Variants in PREX1 observed in about 807,000 individuals in gnomAD.
PREX1 encodes phosphatidylinositol 3,4,5-trisphosphate-dependent Rac exchanger 1 protein.
A neutral mutation model predicts 198.3 loss-of-function variants in PREX1; 41 were observed. The observed-to-expected ratio is 0.21, with a 90% CI of 0.16 to 0.27. The LOEUF is 0.27. Among genes scored for constraint, PREX1 ranks in the 10% least tolerant of loss-of-function variants. The pLI, the probability that PREX1 is intolerant of heterozygous loss-of-function variation, is 1.00. For synonymous variants in PREX1, 843 were observed against 887.2 expected, an observed-to-expected ratio of 0.95 and a Z score of 0.89; for missense variants, 1,620 against 2,200.7, an observed-to-expected ratio of 0.74 and a Z score of 5.28.
chr20:48,691,003 G>A lies in PREX1; in HGVS notation c.1130C>T (p.Ala377Val). The change falls in exon 9 of 40, where the codon GCA (alanine) becomes GTA (valine). Residue 377 changes from alanine (A) to valine (V), a missense_variant. Physicochemically the swap from Ala to Val is moderately conservative, Grantham distance 64. Transcript: ENST00000371941. This position sits in a 1 kb window ranked among gnomAD's most constrained non-coding sequence, Gnocchi z 5.0. ...NKWFVCMAKTAEEKQKWLDAI... is the reference protein window; with the variant it reads ...NKWFVCMAKTVEEKQKWLDAI... ...ATCCAGCCACTTCTGCTTCTCCTCT[G>A]CCGTCTTGGCCATGCAGACAAACCA... The A allele has an allele frequency of 6.2e-7, 1 of 1,614,216 alleles. No individual in the cohort carries two copies. The highest frequency in any genetic ancestry group is 1.1e-5 in the South Asian group (1 of 91,086).
At chr20:48,641,481 T>C (rs1389508180) in intron 29 of PREX1, among the ~76,000 whole-genome samples, 1 of 151,944 alleles carries the variant, frequency 6.6e-6, no homozygotes, top group Non-Finnish European at 1.5e-5. Flanking sequence ...AAAAAATGAG[T>C]ATGGTTTAAA....
chr20:48,652,009 G>A (rs931671564), intron 21 of PREX1, among the ~76,000 whole-genome samples: 4 of 152,194 alleles, frequency 2.6e-5, no homozygotes, highest in Non-Finnish European at 4.4e-5. Flanking sequence ...CAGCCCTGTG[G>A]ACACCATGAT....
chr20:48,872,179 T>G, the PREX1 span, among the ~76,000 whole-genome samples: 2 of 151,000 alleles, frequency 1.3e-5, no homozygotes, highest in African/African-American at 4.9e-5. Flanking sequence ...AAAAAAAGAT[T>G]CAGGGTACCT....
At chr20:48,748,115 C>T (rs541202259) in intron 1 of PREX1, among the ~76,000 whole-genome samples, 226 of 152,200 alleles carry the variant, frequency 1.5e-3, no homozygotes, top group Middle Eastern at 0.014. Context: ...ACGCCAGGCC[C>T]TGCACTGGGC....
intron 1 of PREX1, among the ~76,000 whole-genome samples, chr20:48,791,509 G>A (rs575832991): frequency 3.9e-5 from 6 of 152,304 alleles, no homozygotes; most frequent in South Asian, 2.1e-4. Flanking sequence ...AGCAAGTCTC[G>A]TTTTATGACC....
chr20:48,714,451 C>T (rs928915449), intron 5 of PREX1, among the ~76,000 whole-genome samples: 2 of 152,092 alleles, frequency 1.3e-5, no homozygotes, highest in African/African-American at 4.8e-5. Flanking sequence ...AAAAAACAGG[C>T]ATAGGACTTG....
intron 1 of PREX1, among the ~76,000 whole-genome samples, chr20:48,768,903 C>G (rs536921626): frequency 1.7e-4 from 26 of 151,958 alleles, no homozygotes; most frequent in African/African-American, 5.8e-4. Context: ...ACCAATGGAG[C>G]TGTGCACTTC....
intron 23 of PREX1, among the ~76,000 whole-genome samples, 157 bp from the exon 24 acceptor site, chr20:48,650,363 G>C (rs953936395): frequency 6.6e-6 from 1 of 152,250 alleles, no homozygotes; most frequent in Non-Finnish European, 1.5e-5. Context: ...CCTGGACTGT[G>C]TTTCACGGCT....
At chr20:48,805,979 G>A (rs574976941) in intron 1 of PREX1, among the ~76,000 whole-genome samples, 37 of 152,336 alleles carry the variant, frequency 2.4e-4, no homozygotes, top group African/African-American at 7.0e-4. Flanking sequence ...CACTGCTCTA[G>A]ACCAGGGCTT....
chr20:48,646,030 G>T lies in PREX1; in HGVS notation c.3333C>A (p.Thr1111=), dbSNP rs758075421. Residue 1111 remains threonine, a synonymous_variant, in exon 26 of 40, where the codon ACC becomes ACA. Coordinates refer to ENST00000371941, the MANE Select transcript of PREX1 (RefSeq NM_020820.4). ...AGGATGCGTCGCAGGACCCACCCGA[G>T]GTGGGCTCTGTGATGGTGGACAGCA... The part of the protein sequence containing the change: ...NRLLSTITEP[T]SGGSCDASLA... 5.0e-6 allele frequency: 8 copies of T among 1,613,992 alleles called. No individual in the cohort carries two copies. The highest frequency in any genetic ancestry group is 6.8e-6 in the Non-Finnish European group (8 of 1,180,022).
the PREX1 span, among the ~76,000 whole-genome samples, chr20:48,851,923 C>T: frequency 6.6e-6 from 1 of 152,162 alleles, no homozygotes; most frequent in Non-Finnish European, 1.5e-5. Flanking sequence ...GCCAAGACCT[C>T]ACCAGGCAGT....
chr20:48,777,742 G>A (rs1297698686), intron 1 of PREX1, among the ~76,000 whole-genome samples: 2 of 152,284 alleles, frequency 1.3e-5, no homozygotes, highest in Non-Finnish European at 2.9e-5. Context: ...TGGGCATAAC[G>A]ACAGCAGTAC....
chr20:48,813,800 A>G (rs549041238), intron 1 of PREX1, among the ~76,000 whole-genome samples: 1 of 152,350 alleles, frequency 6.6e-6, no homozygotes, highest in South Asian at 2.1e-4. Flanking sequence ...GTGTGTAGAA[A>G]TGAATAATAT....
chr20:48,874,767 C>T, the PREX1 span, among the ~76,000 whole-genome samples: 2 of 151,582 alleles, frequency 1.3e-5, no homozygotes, highest in African/African-American at 4.8e-5. Context: ...GTCCCAGCTA[C>T]GGGGGAGGCT....
the PREX1 span, among the ~76,000 whole-genome samples, chr20:48,840,856 A>G: frequency 6.6e-6 from 1 of 151,988 alleles, no homozygotes; most frequent in Non-Finnish European, 1.5e-5. Context: ...AGGGTCTTAC[A>G]CTGTAGCCCA....
At chr20:48,704,486 G>A (rs967016268) in intron 6 of PREX1, among the ~76,000 whole-genome samples, 3 of 151,846 alleles carry the variant, frequency 2.0e-5, no homozygotes, top group African/African-American at 4.8e-5. Flanking sequence ...GGCTGCCAGA[G>A]CCAGAGCCAG....
At chr20:48,679,902 C>T (rs2089737682) in intron 11 of PREX1, 148 bp from the exon 12 acceptor site, 1 of 653,922 alleles carries the variant, frequency 1.5e-6, no homozygotes, top group East Asian at 2.7e-5. Context: ...GCTGGCCAGG[C>T]TTTTTTTTCA....
At chr20:48,741,998 G>A (rs1003658382) in intron 3 of PREX1, among the ~76,000 whole-genome samples, 12 of 152,162 alleles carry the variant, frequency 7.9e-5, no homozygotes, top group Admixed American at 5.9e-4. Flanking sequence ...CTGGGAGAGG[G>A]GTTGAAGAGA....
intron 10 of PREX1, among the ~76,000 whole-genome samples, chr20:48,685,005 A>T (rs964622282): frequency 6.6e-6 from 1 of 152,204 alleles, no homozygotes. Context: ...CACTCTTCTG[A>T]ACCAGCCCCA....
Sources: allele counts gnomAD v4.1 joint callset (sites outside exome capture counted in the v4.1 genomes callset), GRCh38; gene constraint gnomAD v4.1.1; non-coding constraint Gnocchi (gnomAD v3.1); transcripts MANE v1.5; gene names NCBI Gene and HGNC (gene_info 2026-07-23, HGNC 2026-07-21).